The following GSG1L variants were observed in gnomAD, a reference collection of about 807,000 sequenced individuals.
GSG1L encodes germ cell-specific gene 1-like protein.
GSG1L carries 24 observed loss-of-function variants against 42.1 expected under a neutral mutation model. The ratio of observed to expected loss-of-function variants is 0.57; its 90% CI spans 0.41 to 0.80. The LOEUF (loss-of-function observed/expected upper bound fraction) is 0.80, where lower values mean the gene tolerates loss of function less well. Ranked by LOEUF, GSG1L falls within the 30% of genes least tolerant of loss-of-function variation. The pLI is 0.00. For missense variants in GSG1L, 445 were observed against 472.2 expected (o/e 0.94, Z 0.53); for synonymous variants, 215 against 203.5 (o/e 1.06, Z -0.48).
At chr16:28,042,860 T>C (rs559890565) in intron 1 of GSG1L, among the ~76,000 whole-genome samples, 14 of 152,150 alleles carry the variant, frequency 9.2e-5, no homozygotes, top group African/African-American at 2.7e-4. Context: ...GACAACAGAT[T>C]TAGCCAAGGA....
chr16:28,057,427 G>T (rs2086292070), intron 1 of GSG1L, among the ~76,000 whole-genome samples: 1 of 152,176 alleles, frequency 6.6e-6, no homozygotes, highest in Non-Finnish European at 1.5e-5. Flanking sequence ...GGGCAGAACT[G>T]GTTGGTGGGG....
intron 5 of GSG1L, among the ~76,000 whole-genome samples, chr16:27,816,212 T>G (rs1285468236): frequency 1.3e-5 from 2 of 152,090 alleles, no homozygotes; most frequent in Non-Finnish European, 2.9e-5. Flanking sequence ...AAACACACAC[T>G]CCTTTCCTCC....
intron 6 of GSG1L, among the ~76,000 whole-genome samples, chr16:27,803,416 G>A (rs1465863266): frequency 6.6e-6 from 1 of 152,070 alleles, no homozygotes; most frequent in Non-Finnish European, 1.5e-5. Context: ...GGTGCCCCCA[G>A]CCCCCAGCAG....
intron 1 of GSG1L, among the ~76,000 whole-genome samples, chr16:27,971,631 T>C (rs2141115966): frequency 6.6e-6 from 1 of 152,366 alleles, no homozygotes; most frequent in East Asian, 1.9e-4. Context: ...TGATCTCTTT[T>C]ATTTCTTTTT....
chr16:28,036,859 A>C (rs1166277686), intron 1 of GSG1L, among the ~76,000 whole-genome samples: 5 of 151,690 alleles, frequency 3.3e-5, no homozygotes, highest in Non-Finnish European at 7.4e-5. Context: ...GGCTACTCCC[A>C]CTCCCAGTCT....
At chr16:28,062,034 CAT>C (rs2086347506) in intron 1 of GSG1L, among the ~76,000 whole-genome samples, 1 of 152,208 alleles carries the variant, frequency 6.6e-6, no homozygotes, top group Admixed American at 6.5e-5. Context: ...TGAGCACACA[CAT>C]ATGTGTGGTG....
chr16:27,986,153 C>T (rs1430760287), intron 1 of GSG1L, among the ~76,000 whole-genome samples: 7 of 152,184 alleles, frequency 4.6e-5, no homozygotes, highest in South Asian at 4.2e-4. Flanking sequence ...GTGTTTACAA[C>T]GAGAGTTATT....
chr16:28,048,366 T>C (rs750397176), intron 1 of GSG1L, among the ~76,000 whole-genome samples: 1 of 152,206 alleles, frequency 6.6e-6, no homozygotes, highest in Non-Finnish European at 1.5e-5. Context: ...TTGCATAGGC[T>C]ACTTTCTCTA....
At chr16:27,906,444 CTGG>C (rs1158661818) in intron 2 of GSG1L, among the ~76,000 whole-genome samples, 1 of 152,164 alleles carries the variant, frequency 6.6e-6, no homozygotes, top group African/African-American at 2.4e-5. Context: ...CTCTGAAAAG[CTGG>C]CGTGTGGCCT....
chr16:27,978,027 C>T (rs777867348), intron 1 of GSG1L, among the ~76,000 whole-genome samples: 7 of 152,174 alleles, frequency 4.6e-5, no homozygotes, highest in Admixed American at 6.5e-5. Flanking sequence ...TCTGGCTGAG[C>T]GAGGATGGAT....
chr16:27,872,610 C>G (rs755409205), intron 3 of GSG1L, among the ~76,000 whole-genome samples: 25 of 152,134 alleles, frequency 1.6e-4, no homozygotes, highest in Non-Finnish European at 3.2e-4. Context: ...AGATACAGGT[C>G]ATAAAGACCT....
intron 1 of GSG1L, among the ~76,000 whole-genome samples, chr16:27,992,372 G>A (rs965799239): frequency 6.6e-6 from 1 of 152,026 alleles, no homozygotes; most frequent in African/African-American, 2.4e-5. Context: ...GCGTGTGTCT[G>A]TAATCCCAGT....
intron 2 of GSG1L, among the ~76,000 whole-genome samples, chr16:27,924,708 A>C (rs2084571589): frequency 6.6e-6 from 1 of 152,216 alleles, no homozygotes; most frequent in Non-Finnish European, 1.5e-5. Context: ...CACAAAAGAA[A>C]ACTTAGAAGG....
At position 27,996,017 on chromosome 16, in the gene GSG1L, T is replaced by C. The variant is rs529148454; in HGVS notation, c.350-32814A>G. 7.9e-5 allele frequency among the ~76,000 whole-genome samples: 12 copies of C among 151,980 alleles called. No individual in the cohort carries two copies. In the South Asian group the frequency reaches 2.5e-3, roughly 32 times the overall value. ...GAGTTTGAGACCAGCCTCGGCAACA[T>C]AGTGAGACCCCATATCTAAAAATAA... On this transcript the variant is annotated intron_variant, in intron 1 of 6. Transcript: ENST00000447459.
intron 2 of GSG1L, among the ~76,000 whole-genome samples, chr16:27,932,767 T>C (rs971733924): frequency 9.2e-5 from 14 of 152,142 alleles, no homozygotes; most frequent in Non-Finnish European, 1.9e-4. Context: ...GAGGTGACCA[T>C]GTGCCATCAC....
intron 5 of GSG1L, among the ~76,000 whole-genome samples, chr16:27,823,583 A>G (rs1240028533): frequency 6.6e-6 from 1 of 152,162 alleles, no homozygotes; most frequent in Non-Finnish European, 1.5e-5. Flanking sequence ...AATGGGCTCC[A>G]GAAAGCCCTC....
At chr16:27,881,535 C>T (rs1014332580) in intron 3 of GSG1L, among the ~76,000 whole-genome samples, 25 of 152,046 alleles carry the variant, frequency 1.6e-4, no homozygotes, top group African/African-American at 5.6e-4. Flanking sequence ...CAACCGCACC[C>T]GGCCAAGTAT....
intron 1 of GSG1L, among the ~76,000 whole-genome samples, chr16:28,039,549 A>G (rs949940144): frequency 1.3e-5 from 2 of 152,128 alleles, no homozygotes; most frequent in Non-Finnish European, 1.5e-5. Flanking sequence ...ACACACACTC[A>G]CAGGCATGCA....
chr16:27,793,486 T>C (rs1259033628), intron 6 of GSG1L, among the ~76,000 whole-genome samples: 1 of 89,960 alleles, frequency 1.1e-5, no homozygotes, highest in Non-Finnish European at 2.4e-5. Flanking sequence ...TGTTTGGGTT[T>C]TGTTTTGTTT....
Sources: gnomAD v4.1 joint callset for allele counts (sites outside exome capture counted in the v4.1 genomes callset) on GRCh38, gnomAD v4.1.1 for gene constraint, MANE v1.5 for transcripts, NCBI Gene and HGNC (gene_info 2026-07-23, HGNC 2026-07-21) for gene names.